The following DBF4 variants were observed in gnomAD, a reference collection of about 807,000 sequenced individuals.
DBF4 encodes the protein DBF4-CDC7 kinase regulatory subunit, also known as protein DBF4 homolog A.
Under a neutral mutation model 76.6 loss-of-function variants are expected in DBF4, and 25 were observed. The observed-to-expected ratio is 0.33, with a 90% CI of 0.24 to 0.46. The LOEUF (loss-of-function observed/expected upper bound fraction) is 0.46, where lower values mean the gene tolerates loss of function less well. Among genes scored for constraint, DBF4 ranks in the 20% least tolerant of loss-of-function variants. The pLI, the probability that DBF4 is intolerant of heterozygous loss-of-function variation, is 1.00. For missense variants in DBF4, 638 were observed against 760.8 expected (o/e 0.84, Z 1.90); for synonymous variants, 213 against 258.0 (o/e 0.83, Z 1.67).
intron 9 of DBF4, 123 bp from the exon 10 acceptor site, chr7:87,900,641 G>T (rs1208048489): frequency 5.2e-5 from 41 of 787,028 alleles, no homozygotes; most frequent in Non-Finnish European, 7.9e-5. Flanking sequence ...ATGATTAAAA[G>T]TACTTGCTGA....
chr7:87,897,811 G>A (rs1839678153), intron 8 of DBF4, among the ~76,000 whole-genome samples: 1 of 152,150 alleles, frequency 6.6e-6, no homozygotes, highest in South Asian at 2.1e-4. Context: ...GTCTTGCTCT[G>A]TCACCCAGGC....
chr7:87,895,239 T>A (rs999057239), intron 6 of DBF4, among the ~76,000 whole-genome samples: 2 of 152,198 alleles, frequency 1.3e-5, no homozygotes, highest in Non-Finnish European at 2.9e-5. Context: ...TATTTGTAGT[T>A]TTTCTGCTGA....
At chr7:87,892,207 A>AC (rs1265913733) in intron 6 of DBF4, among the ~76,000 whole-genome samples, 1 of 152,230 alleles carries the variant, frequency 6.6e-6, no homozygotes, top group Non-Finnish European at 1.5e-5. Context: ...ATAGTATCAT[A>AC]CAGAATGGTT....
At chr7:87,893,400 C>T (rs562765704) in intron 6 of DBF4, among the ~76,000 whole-genome samples, 4 of 151,726 alleles carry the variant, frequency 2.6e-5, no homozygotes, top group East Asian at 1.9e-4. Flanking sequence ...CGCCCGCCAC[C>T]GCGCCCGGCT....
Position 87,908,106 on chromosome 7 carries a change from T to C in DBF4, c.1968T>C (p.Asp656=). ...ATATTTGGGAAGAGGAAAATTCAGA[T>C]AATCTGTTAACAGCGTTTTTCTCGT... ...VLDIWEEENS[D]NLLTAFFSSP... is the part of the protein sequence containing the mutation. The change falls in exon 12 of 12, where the codon GAT becomes GAC. Residue 656 remains aspartate (D), a synonymous_variant. Transcript: ENST00000265728. The C allele has an allele frequency of 3.1e-6, 5 of 1,610,092 alleles. No individual in the cohort carries two copies. The South Asian group carries it at 4.5e-5, about 14-fold the overall frequency.
At chr7:87,880,560 T>A (rs1839185897) in intron 2 of DBF4, among the ~76,000 whole-genome samples, 1 of 152,228 alleles carries the variant, frequency 6.6e-6, no homozygotes, top group African/African-American at 2.4e-5. Flanking sequence ...GCACATTTAC[T>A]GTTTCTATCA....
At position 87,908,757 on chromosome 7, in the gene DBF4, T is replaced by G. The variant is rs1839970386; in HGVS notation, c.*594T>G. 7.2e-6 allele frequency: 1 copy of G among 138,344 alleles called. No homozygotes were observed. The highest frequency in any genetic ancestry group is 1.5e-5 in the Non-Finnish European group (1 of 66,138). 8.6% of individuals were successfully genotyped at this position (138,344 alleles called of 1,614,324 possible). On this transcript the variant is annotated 3_prime_UTR_variant, in exon 12 of 12. Coordinates refer to ENST00000265728, the MANE Select transcript of DBF4 (RefSeq NM_006716.4). ...GTGGAATATAATTTATCTGCTATTT[T>G]TAATTACTTACCTTGTAAATAACTT...
intron 2 of DBF4, among the ~76,000 whole-genome samples, chr7:87,883,431 T>C (rs1839265880): frequency 6.6e-6 from 1 of 152,172 alleles, no homozygotes; most frequent in East Asian, 1.9e-4. Context: ...AATTTTATAT[T>C]TATCACAATA....
rs111580854 is a variant in DBF4, at chr7:87,901,811, G to T, written c.924+933G>T. ...AGCTGTTATTTGAATAATTTTTTAC[G>T]TAATAGATAGGTTTGTTTTGGTGTT... On this transcript the variant is annotated intron_variant, in intron 10 of 11. Transcript: ENST00000265728. 6.6e-5 allele frequency among the ~76,000 whole-genome samples: 10 copies of T among 152,236 alleles called. 1 individual carries two copies. The highest frequency in any genetic ancestry group is 6.8e-3 in the Middle Eastern group (2 of 294).
intron 2 of DBF4, among the ~76,000 whole-genome samples, chr7:87,879,651 A>T (rs1839162435): frequency 6.6e-6 from 1 of 152,144 alleles, no homozygotes; most frequent in Admixed American, 6.5e-5. Context: ...TTCCTCTAGC[A>T]ATCAATGGCT....
intron 3 of DBF4, 149 bp from the exon 4 acceptor site, chr7:87,886,695 T>C (rs1477285006): frequency 8.9e-6 from 5 of 562,066 alleles, no homozygotes; most frequent in Non-Finnish European, 1.6e-5. Context: ...TCATGTTGAA[T>C]AGAATTTACT....
intron 2 of DBF4, among the ~76,000 whole-genome samples, chr7:87,882,137 C>T (rs1839230668): frequency 6.6e-6 from 1 of 152,090 alleles, no homozygotes; most frequent in South Asian, 2.1e-4. Context: ...AACAGACATA[C>T]AGACCAATAG....
chr7:87,895,545 G>T (rs58638862), intron 6 of DBF4, among the ~76,000 whole-genome samples: 21,319 of 152,016 alleles, frequency 0.14, 2,386 homozygotes, highest in African/African-American at 0.31. Context: ...CTGTCTTGGT[G>T]GTTGTGGGTG....
chr7:87,878,779 C>A (rs1216071160), intron 2 of DBF4, among the ~76,000 whole-genome samples: 1 of 152,056 alleles, frequency 6.6e-6, no homozygotes, highest in African/African-American at 2.4e-5. Flanking sequence ...AATTCTAGGA[C>A]CTTAATAGGA....
At chr7:87,876,830 T>C in intron 1 of DBF4, 52 bp downstream of exon 1, 1 of 1,595,092 alleles carries the variant, frequency 6.3e-7, no homozygotes, top group Non-Finnish European at 8.6e-7. Flanking sequence ...CCTCCCCTCG[T>C]GGTTCCACCA....
At chr7:87,902,702 T>C (rs1301185119) in intron 10 of DBF4, among the ~76,000 whole-genome samples, 1 of 152,070 alleles carries the variant, frequency 6.6e-6, no homozygotes, top group Non-Finnish European at 1.5e-5. Context: ...ATTAACAGAG[T>C]GAATCTGAGC....
intron 10 of DBF4, 23 bp from the exon 11 acceptor site, chr7:87,904,269 A>C: frequency 3.8e-6 from 6 of 1,573,194 alleles, no homozygotes; most frequent in Non-Finnish European, 5.1e-6. Flanking sequence ...ATTTTTTGAT[A>C]CATGTTTTTA....
At chr7:87,896,383 GA>G (rs1374211234) in intron 6 of DBF4, 90 bp from the exon 7 acceptor site, 12 of 996,718 alleles carry the variant, frequency 1.2e-5, no homozygotes, top group Admixed American at 4.6e-5. Flanking sequence ...TTTTCTGCAT[GA>G]TTTTTTTATC....
Position 87,881,891 on chromosome 7 carries a change from G to A in DBF4, c.220-3088G>A, listed in dbSNP as rs1166706507. 2.0e-5 allele frequency among the ~76,000 whole-genome samples: 3 copies of A among 152,174 alleles called. No individual in the cohort carries two copies. The East Asian group carries it at 5.8e-4, about 29-fold the overall frequency. ...GAGCTGGATCTTGAAGTCTTAGTTA[G>A]CAAGGCAAATAGACATACTAAATAG... On this transcript the variant is annotated intron_variant, in intron 2 of 11. Coordinates refer to ENST00000265728, the MANE Select transcript of DBF4 (RefSeq NM_006716.4).
Sources: gnomAD v4.1 joint callset for allele counts (sites outside exome capture counted in the v4.1 genomes callset) on GRCh38, gnomAD v4.1.1 for gene constraint, MANE v1.5 for transcripts, NCBI Gene and HGNC (gene_info 2026-07-23, HGNC 2026-07-21) for gene names.